COL22A1: variants seen among roughly 807,000 people sequenced by gnomAD.
The protein encoded by COL22A1 is collagen type XXII alpha 1 chain.
COL22A1 carries 221 observed loss-of-function variants against 248.9 expected under a neutral mutation model. The observed-to-expected ratio is 0.89, with a 90% confidence interval of 0.80 to 0.99. The LOEUF (loss-of-function observed/expected upper bound fraction) is 0.99. COL22A1 is among the 50% of genes least tolerant of loss of function. The pLI is 0.00. For missense variants in COL22A1, 2,240 were observed against 2,179.0 expected (o/e 1.03, Z -0.56); for synonymous variants, 891 against 793.4 (o/e 1.12, Z -2.07).
chr8:138,878,416 T>G, intron 2 of COL22A1, 100 bp from the exon 3 acceptor site: 1 of 1,008,650 alleles, frequency 9.9e-7, no homozygotes, highest in Non-Finnish European at 1.4e-6. Flanking sequence ...CCTGCTCAAA[T>G]ACCTACCTGC....
chr8:138,756,515 G>T (rs1275324374), intron 18 of COL22A1, among the ~76,000 whole-genome samples: 2 of 152,098 alleles, frequency 1.3e-5, no homozygotes, highest in Admixed American at 6.6e-5. Context: ...GTGCCTTATG[G>T]CTAAAGCAAG....
Position 138,690,952 on chromosome 8 carries a change from C to T in COL22A1, c.2755-78G>A, listed in dbSNP as rs535048370. On this transcript the variant is annotated intron_variant, in intron 35 of 64. Transcript: ENST00000303045. ...GCCCCCACTCTCTCTGCAAATCTGC[C>T]TCATACTCAATTCACCGCAATGTGC... 2.9e-5 allele frequency: 35 copies of T among 1,188,412 alleles called. No individual in the cohort carries two copies. The South Asian group carries it at 5.3e-4, about 18-fold the overall frequency. The allele number at this position is 1,188,412 out of a possible 1,614,324, so 73.6% of individuals were successfully genotyped here. A position where few individuals can be genotyped will look rare whatever the true frequency, so the allele number is the denominator to read the frequency against.
At chr8:138,764,534 C>T (rs1424145280) in intron 16 of COL22A1, among the ~76,000 whole-genome samples, 1 of 152,254 alleles carries the variant, frequency 6.6e-6, no homozygotes, top group East Asian at 1.9e-4. Flanking sequence ...CTGGGCTCTG[C>T]AGTTTGGTTT....
At chr8:138,877,650 AGCCG>A (rs1025802587) in intron 3 of COL22A1, 96 bp downstream of exon 3, 43 of 1,243,904 alleles carry the variant, frequency 3.5e-5, no homozygotes, top group Non-Finnish European at 4.4e-5. Context: ...GCCTTCCTGG[AGCCG>A]GCCGTAGGAT....
At chr8:138,848,324 A>G (rs2131888882) in intron 3 of COL22A1, among the ~76,000 whole-genome samples, 1 of 152,308 alleles carries the variant, frequency 6.6e-6, no homozygotes, top group Non-Finnish European at 1.5e-5. Context: ...AAGAGAAAAA[A>G]GGTATCTCTT....
intron 50 of COL22A1, among the ~76,000 whole-genome samples, chr8:138,628,860 G>A (rs577255805): frequency 1.3e-5 from 2 of 149,240 alleles, no homozygotes; most frequent in East Asian, 2.0e-4. Context: ...CCACCTCCCT[G>A]GTTCAAGTGA....
chr8:138,617,089 C>T, intron 53 of COL22A1, 131 bp from the exon 54 acceptor site: 1 of 923,332 alleles, frequency 1.1e-6, no homozygotes, highest in Non-Finnish European at 1.7e-6. Context: ...GGATACTGAG[C>T]CCTACTTGGT....
At chr8:138,632,728 T>C (rs900195071) in intron 49 of COL22A1, among the ~76,000 whole-genome samples, 2 of 152,176 alleles carry the variant, frequency 1.3e-5, no homozygotes, top group African/African-American at 4.8e-5. Context: ...TGCAATCAGA[T>C]TTGTCTCTAT....
At chr8:138,746,260 G>A (rs1441126287) in intron 22 of COL22A1, among the ~76,000 whole-genome samples, 3 of 152,192 alleles carry the variant, frequency 2.0e-5, no homozygotes, top group Admixed American at 1.3e-4. Context: ...GCTGTCAGCC[G>A]TCAGCCTCGT....
chr8:138,747,654 T>C (rs1036182394), intron 22 of COL22A1, among the ~76,000 whole-genome samples: 4 of 152,186 alleles, frequency 2.6e-5, no homozygotes, highest in Non-Finnish European at 5.9e-5. Context: ...TTACATGCTA[T>C]TTCATGTCTT....
intron 23 of COL22A1, among the ~76,000 whole-genome samples, chr8:138,736,071 C>T (rs1447831789): frequency 6.6e-6 from 1 of 152,080 alleles, no homozygotes; most frequent in African/African-American, 2.4e-5. Flanking sequence ...GGGACAGCCA[C>T]ATCTGTCTAC....
intron 3 of COL22A1, among the ~76,000 whole-genome samples, chr8:138,865,626 T>TA (rs1417928510): frequency 1.3e-5 from 2 of 151,732 alleles, no homozygotes; most frequent in African/African-American, 2.4e-5. Flanking sequence ...TGTGTGAGTG[T>TA]ATGTGTATGT....
intron 63 of COL22A1, 99 bp from the exon 64 acceptor site, chr8:138,591,600 G>T (rs1817058243): frequency 1.1e-6 from 1 of 896,596 alleles, no homozygotes; most frequent in Non-Finnish European, 1.6e-6. Context: ...GCACTGGGCT[G>T]CTGTGGCATT....
At chr8:138,796,592 T>G (rs1816558207) in intron 12 of COL22A1, among the ~76,000 whole-genome samples, 2 of 151,944 alleles carry the variant, frequency 1.3e-5, no homozygotes, top group African/African-American at 4.8e-5. Context: ...TCAACCACCA[T>G]TTTACCATTT....
At chr8:138,601,234 G>C (rs1028679862) in intron 60 of COL22A1, among the ~76,000 whole-genome samples, 4 of 151,986 alleles carry the variant, frequency 2.6e-5, no homozygotes, top group African/African-American at 9.7e-5. Context: ...CATCGCTCAG[G>C]AACCAACAGC....
chr8:138,816,204 C>A (rs1563802350), intron 7 of COL22A1, among the ~76,000 whole-genome samples: 1 of 152,174 alleles, frequency 6.6e-6, no homozygotes, highest in Admixed American at 6.5e-5. Context: ...AGGGACAGAG[C>A]ACACTGGATT....
intron 30 of COL22A1, among the ~76,000 whole-genome samples, chr8:138,703,562 AC>A (rs1828146194): frequency 6.6e-6 from 1 of 152,192 alleles, no homozygotes; most frequent in Non-Finnish European, 1.5e-5. Flanking sequence ...ACATATAAAA[AC>A]ATTGTTTTCA....
At chr8:138,650,608 T>A (rs1360838164) in intron 45 of COL22A1, among the ~76,000 whole-genome samples, 5 of 152,144 alleles carry the variant, frequency 3.3e-5, no homozygotes, top group Non-Finnish European at 5.9e-5. Context: ...CCTGCCTCTC[T>A]CCTTGTGATC....
In COL22A1 at chr8:138,652,735, G is replaced by GTTTT. The variant is rs71316352; in HGVS notation, c.3334-2961_3334-2958dup. Among the ~76,000 whole-genome samples, 119 of 54,268 alleles carry GTTTT rather than the reference G, an allele frequency of 2.2e-3. 17 individuals carry two copies. The highest frequency in any genetic ancestry group is 6.4e-3 in the African/African-American group (108 of 16,894). The allele number at this position is 54,268 out of a possible 152,430, so 35.6% of individuals were successfully genotyped here. On this transcript the variant is annotated intron_variant, in intron 45 of 64. Transcript: ENST00000303045. ...TAAAATATTTTCTTTTCCTTTTCTG[G>GTTTT]TTTTTTTTTTTTTTTTTTTTTTTTT...
Sources: allele counts gnomAD v4.1 joint callset (sites outside exome capture counted in the v4.1 genomes callset), GRCh38; gene constraint gnomAD v4.1.1; transcripts MANE v1.5; gene names NCBI Gene and HGNC (gene_info 2026-07-23, HGNC 2026-07-21).